Variants in ADAMTSL3 observed in about 807,000 individuals in gnomAD.
The protein encoded by ADAMTSL3 is ADAMTS-like protein 3.
In ADAMTSL3, 128 loss-of-function variants were observed where a neutral mutation model predicts 201.7. That is an observed-to-expected ratio of 0.63 (90% CI 0.55 to 0.73). The LOEUF (loss-of-function observed/expected upper bound fraction) is 0.73, where lower values mean the gene tolerates loss of function less well. Ranked by LOEUF, ADAMTSL3 falls within the 30% of genes least tolerant of loss-of-function variation. The pLI is 0.00. For missense variants in ADAMTSL3, 1,990 were observed against 2,119.6 expected, an observed-to-expected ratio of 0.94 and a Z score of 1.20; for synonymous variants, 738 against 748.4, an observed-to-expected ratio of 0.99 and a Z score of 0.23.
chr15:83,761,507 CTCTT>C (rs2062808317), intron 3 of ADAMTSL3, among the ~76,000 whole-genome samples: 1 of 152,128 alleles, frequency 6.6e-6, no homozygotes, highest in South Asian at 2.1e-4. Flanking sequence ...GTCTGACAAT[CTCTT>C]TCTTTTACTT....
chr15:83,926,720 A>T (rs573431623), intron 17 of ADAMTSL3, among the ~76,000 whole-genome samples: 114 of 150,444 alleles, frequency 7.6e-4, no homozygotes, highest in Non-Finnish European at 1.4e-3. Context: ...GGTTCAAGCG[A>T]TTCTCCTGCC....
intron 3 of ADAMTSL3, among the ~76,000 whole-genome samples, chr15:83,724,496 C>T (rs1000080941): frequency 1.3e-5 from 2 of 152,118 alleles, no homozygotes; most frequent in African/African-American, 4.8e-5. Flanking sequence ...ACAATAATCA[C>T]ATCAGGGTAA....
intron 2 of ADAMTSL3, among the ~76,000 whole-genome samples, chr15:83,676,656 C>T (rs561377606): frequency 1.3e-5 from 2 of 152,208 alleles, no homozygotes; most frequent in South Asian, 2.1e-4. Flanking sequence ...CCAGCCTGGG[C>T]GACAGAGTAA....
intron 8 of ADAMTSL3, among the ~76,000 whole-genome samples, chr15:83,864,886 T>C: frequency 6.6e-6 from 1 of 152,202 alleles, no homozygotes; most frequent in African/African-American, 2.4e-5. Context: ...GCCCAAAATC[T>C]CCTTAAGCTG....
At chr15:83,995,481 C>T (rs937454634) in intron 23 of ADAMTSL3, among the ~76,000 whole-genome samples, 3 of 152,124 alleles carry the variant, frequency 2.0e-5, no homozygotes, top group Non-Finnish European at 4.4e-5. Flanking sequence ...AAAAAACATA[C>T]GATGCCCTTT....
intron 25 of ADAMTSL3, among the ~76,000 whole-genome samples, 184 bp downstream of exon 25, chr15:84,016,683 CTT>C (rs766382598): frequency 9.4e-4 from 143 of 152,268 alleles, no homozygotes; most frequent in Middle Eastern, 3.4e-3. Flanking sequence ...TATTGAAACA[CTT>C]TTTAGAAAAA....
rs2061820278 is a variant in ADAMTSL3, at chr15:83,704,436, A to G, written c.117A>G (p.Ala39=). ...GAGCCTATTTCCTTCCCGAGTTTGC[A>G]CTTTCTCCTCAGGGAAGTTTTCTGG... ...SPGAYFLPEF[A]LSPQGSFLED... The change falls in exon 3 of 30, where the codon GCA becomes GCG. Residue 39 remains alanine, a synonymous_variant. Transcript: ENST00000286744. The G allele has an allele frequency of 6.2e-7, 1 of 1,614,030 alleles. No homozygotes were observed. Among genetic ancestry groups the G allele is most frequent in the African/African-American group, 1.3e-5 (1 of 74,898 alleles).
chr15:83,681,790 C>T (rs932361662), intron 2 of ADAMTSL3, among the ~76,000 whole-genome samples: 1 of 152,102 alleles, frequency 6.6e-6, no homozygotes, highest in African/African-American at 2.4e-5. Flanking sequence ...AAGGTGTTCC[C>T]GTCTCCCCTG....
intron 23 of ADAMTSL3, among the ~76,000 whole-genome samples, chr15:83,993,128 T>C (rs1417213449): frequency 2.0e-5 from 3 of 152,236 alleles, no homozygotes; most frequent in Non-Finnish European, 4.4e-5. Context: ...AGTGTTTTCT[T>C]ATGGGCAGAA....
At chr15:83,861,663 A>G (rs1437258864) in intron 8 of ADAMTSL3, 1 of 152,188 alleles carries the variant, frequency 6.6e-6, no homozygotes, top group African/African-American at 2.4e-5. Context: ...TAAAACCACA[A>G]AGATGGGGAA....
At chr15:83,694,998 T>C (rs1035839558) in intron 2 of ADAMTSL3, among the ~76,000 whole-genome samples, 6 of 152,056 alleles carry the variant, frequency 3.9e-5, no homozygotes, top group African/African-American at 1.4e-4. Context: ...TTGCCAATGC[T>C]AACTAGGGAT....
At chr15:83,667,959 G>T (rs1290195270) in intron 2 of ADAMTSL3, among the ~76,000 whole-genome samples, 1 of 151,894 alleles carries the variant, frequency 6.6e-6, no homozygotes, top group Non-Finnish European at 1.5e-5. Context: ...GAGAAGATAG[G>T]ACTCCAGAGA....
In ADAMTSL3 at chr15:84,025,352, A is replaced by G. The variant is rs1390291220; in HGVS notation, c.4572A>G (p.Pro1524=). ...ATGGAACTGTGCAGGTGGTGTCTCC[A>G]AGAGCATGTGCCCCTAAAGACCGGC... ...KANGTVQVVS[P]RACAPKDRPL... is the part of the protein sequence containing the mutation. The change falls in exon 27 of 30, where the codon CCA becomes CCG. Residue 1524 remains proline, a synonymous_variant. Coordinates refer to ENST00000286744, the MANE Select transcript of ADAMTSL3 (RefSeq NM_207517.3). 4 of 1,614,060 alleles carry G rather than the reference A, an allele frequency of 2.5e-6. No homozygotes were observed. Among genetic ancestry groups the G allele is most frequent in the African/African-American group, 2.7e-5 (2 of 74,928 alleles).
rs146342197 is a variant in ADAMTSL3 at position 83,982,563 on chromosome 15, G to A, written c.2935G>A (p.Val979Met). The A allele has an allele frequency of 6.8e-6, 11 of 1,614,042 alleles. No individual in the cohort carries two copies. Among genetic ancestry groups the A allele is most frequent in the African/African-American group, 2.7e-5 (2 of 74,916 alleles). ...TGGTCTTGCTGCCCCCGACATCGGCGTGTACCGGTGCATTGCAGGCTCTGC... is the reference window on the plus strand; with the variant it reads ...TGGTCTTGCTGCCCCCGACATCGGCATGTACCGGTGCATTGCAGGCTCTGC... ...IHGLAAPDIG[V>M]YRCIAGSAQE... is the part of the protein sequence containing the mutation. Residue 979 changes from valine (V) to methionine (M), a missense_variant, in exon 21 of 30, where the codon GTG (valine) becomes ATG (methionine). Coordinates refer to ENST00000286744, the MANE Select transcript of ADAMTSL3 (RefSeq NM_207517.3).
rs143466274 is a variant in ADAMTSL3 at position 83,892,516 on chromosome 15, C to T, written c.1263-168C>T. Among the ~76,000 whole-genome samples the T allele has an allele frequency of 2.0e-3, 309 of 152,022 alleles. 6 individuals are homozygous for T. The East Asian group carries it at 0.041, about 20-fold the overall frequency. On this transcript the variant is annotated intron_variant, in intron 12 of 29. Transcript: ENST00000286744. ...TTGCACTCCAGCCTGGGTGACAGAG[C>T]GAGACTCTGTCTCAACAAAAAAAAG...
At chr15:83,735,061 T>C (rs570405358) in intron 3 of ADAMTSL3, among the ~76,000 whole-genome samples, 1 of 152,316 alleles carries the variant, frequency 6.6e-6, no homozygotes, top group East Asian at 1.9e-4. Flanking sequence ...GCAGCCTCAC[T>C]ATGCAAATCT....
intron 4 of ADAMTSL3, among the ~76,000 whole-genome samples, chr15:83,804,242 G>C (rs2063567736): frequency 6.6e-6 from 1 of 152,204 alleles, no homozygotes. Flanking sequence ...AGTTGCTTCA[G>C]TAAGGGAAGA....
chr15:83,941,397 C>G (rs191230323), intron 17 of ADAMTSL3, among the ~76,000 whole-genome samples: 43 of 151,658 alleles, frequency 2.8e-4, no homozygotes, highest in African/African-American at 9.7e-4. Context: ...TAATAAAAAT[C>G]AGAGAAAAAA....
intron 17 of ADAMTSL3, among the ~76,000 whole-genome samples, chr15:83,925,228 C>T (rs943841106): frequency 6.6e-6 from 1 of 152,158 alleles, no homozygotes; most frequent in Non-Finnish European, 1.5e-5. Flanking sequence ...CTCCAGCCCG[C>T]ACAGTCTCAG....
Sources: gnomAD v4.1 joint callset for allele counts (sites outside exome capture counted in the v4.1 genomes callset) on GRCh38, gnomAD v4.1.1 for gene constraint, MANE v1.5 for transcripts, NCBI Gene and HGNC (gene_info 2026-07-23, HGNC 2026-07-21) for gene names.